ITPRID2: variants seen among roughly 807,000 people sequenced by gnomAD.
ITPRID2 encodes ITPR interacting domain containing 2, also known as protein ITPRID2.
Under a neutral mutation model 124.3 loss-of-function variants are expected in ITPRID2, and 60 were observed. That is an observed-to-expected ratio of 0.48 (90% confidence interval 0.39 to 0.60). The LOEUF (loss-of-function observed/expected upper bound fraction) is 0.60. ITPRID2 is among the 20% of genes least tolerant of loss of function. The probability of loss-of-function intolerance (pLI) is 0.00; values close to 1 mark genes in which losing one functional copy is unlikely to be tolerated. For synonymous variants in ITPRID2, 521 were observed against 542.9 expected (o/e 0.96, Z 0.56); for missense variants, 1,553 against 1,512.2 (o/e 1.03, Z -0.45).
chr2:181,912,292 T>G (rs1299421072), intron 9 of ITPRID2, among the ~76,000 whole-genome samples: 1 of 152,224 alleles, frequency 6.6e-6, no homozygotes, highest in Non-Finnish European at 1.5e-5. Context: ...AATACGTAAT[T>G]ATAGTGATAA....
intron 16 of ITPRID2, among the ~76,000 whole-genome samples, chr2:181,924,950 T>C (rs960524837): frequency 6.6e-6 from 1 of 152,212 alleles, no homozygotes; most frequent in Non-Finnish European, 1.5e-5. Flanking sequence ...TGTGTGTAAA[T>C]AAAAAGATTA....
intron 16 of ITPRID2, 96 bp from the exon 17 acceptor site, chr2:181,928,065 A>T: frequency 3.9e-6 from 3 of 773,074 alleles, no homozygotes; most frequent in Non-Finnish European, 6.2e-6. Context: ...AGGTGAAATT[A>T]AGAAATTGAA....
At chr2:181,918,296 T>C in intron 11 of ITPRID2, 2 of 1,127,540 alleles carry the variant, frequency 1.8e-6, no homozygotes, top group South Asian at 6.8e-5. Flanking sequence ...TTCTACATTT[T>C]TGCGTTTTGA....
chr2:181,910,035 G>A lies in ITPRID2; in HGVS notation c.1486+64G>A. ...CAAATATTAGTTGATTTGGAAAAGG[G>A]GTTTTATGTATCAGTATTTGTAGTA... On this transcript the variant is annotated intron_variant, in intron 9 of 17. Transcript: ENST00000431877. This position sits in a 1 kb window ranked among gnomAD's most constrained non-coding sequence, Gnocchi z 4.1. The A allele has an allele frequency of 4.7e-6, 6 of 1,264,330 alleles. 1 individual carries two copies. In the South Asian group the frequency reaches 7.5e-5, roughly 16 times the overall value. The allele number at this position is 1,264,330 out of a possible 1,614,324, so 78.3% of individuals were successfully genotyped here. A position where few individuals can be genotyped will look rare whatever the true frequency, so the allele number is the denominator to read the frequency against.
chr2:181,909,779 T>C (rs1483312471), intron 8 of ITPRID2, 120 bp from the exon 9 acceptor site: 15 of 576,004 alleles, frequency 2.6e-5, no homozygotes, highest in Middle Eastern at 3.9e-4. Context: ...AGTTTGAATA[T>C]ATATATAATG....
intron 17 of ITPRID2, among the ~76,000 whole-genome samples, chr2:181,928,708 C>G (rs1695047264): frequency 6.6e-6 from 1 of 151,702 alleles, no homozygotes; most frequent in Non-Finnish European, 1.5e-5. Flanking sequence ...TCACTGCAAG[C>G]TCCGCCTCCC....
intron 13 of ITPRID2, 25 bp downstream of exon 13, chr2:181,918,907 C>A: frequency 6.2e-7 from 1 of 1,604,184 alleles, no homozygotes. Flanking sequence ...TGTCTTAGCA[C>A]ACCTCAAAAA....
intron 6 of ITPRID2, 150 bp downstream of exon 6, chr2:181,899,262 T>TTTTTG (rs59537384): frequency 5.3e-4 from 324 of 609,102 alleles, no homozygotes; most frequent in African/African-American, 3.3e-3. Context: ...TGATAGGAGC[T>TTTTTG]TTTTGTTTTG....
At chr2:181,913,581 G>C (rs1422396334) in intron 9 of ITPRID2, among the ~76,000 whole-genome samples, 2 of 152,072 alleles carry the variant, frequency 1.3e-5, no homozygotes, top group African/African-American at 2.4e-5. Flanking sequence ...ATTATAATTA[G>C]AGCTTAATTA....
chr2:181,918,656 C>T lies in ITPRID2; in HGVS notation c.2846C>T (p.Ser949Phe), dbSNP rs1173057488. 1 of 1,614,118 alleles carries T rather than the reference C, an allele frequency of 6.2e-7. No homozygotes were observed. The highest frequency in any genetic ancestry group is 1.1e-5 in the South Asian group (1 of 91,082). Reference sequence around the variant, plus strand: ...GCTCCATATAGTACTCAGAAATCATCTGTTCTACCTCTTTATGAAGTAAGT... The same window carrying T: ...GCTCCATATAGTACTCAGAAATCATTTGTTCTACCTCTTTATGAAGTAAGT... ...AAAPYSTQKS[S>F]VLPLYENTFQ... The change falls in exon 12 of 18, where the codon TCT becomes TTT. Residue 949 changes from serine (S) to phenylalanine (F), a missense_variant. Transcript: ENST00000431877.
chr2:181,909,267 G>C (rs763203911), intron 8 of ITPRID2, among the ~76,000 whole-genome samples: 22 of 152,150 alleles, frequency 1.4e-4, no homozygotes, highest in Non-Finnish European at 2.6e-4. Flanking sequence ...GGACAAAGCA[G>C]TCTTAAACCT....
At chr2:181,894,790 T>G (rs1405191334) in intron 2 of ITPRID2, 1 of 152,058 alleles carries the variant, frequency 6.6e-6, no homozygotes. Flanking sequence ...TTGATAGAAT[T>G]TGGAAGGGAG....
intron 9 of ITPRID2, among the ~76,000 whole-genome samples, chr2:181,911,839 C>G (rs1346206085): frequency 6.6e-6 from 1 of 152,136 alleles, no homozygotes; most frequent in African/African-American, 2.4e-5. Context: ...AGGAGAGAAG[C>G]TATATTGCTT....
chr2:181,899,912 T>G (rs1692525705), intron 6 of ITPRID2, among the ~76,000 whole-genome samples: 1 of 152,240 alleles, frequency 6.6e-6, no homozygotes, highest in Non-Finnish European at 1.5e-5. Context: ...TGCATGTGCC[T>G]ATGGAATCCA....
intron 11 of ITPRID2, chr2:181,917,277 TATC>T (rs1015819874): frequency 2.6e-5 from 4 of 152,440 alleles, no homozygotes; most frequent in African/African-American, 7.2e-5. Context: ...ATAGACCTCT[TATC>T]ATGACATAGT....
intron 6 of ITPRID2, among the ~76,000 whole-genome samples, chr2:181,899,665 G>A (rs1463397593): frequency 2.0e-5 from 3 of 152,120 alleles, no homozygotes; most frequent in African/African-American, 7.2e-5. Flanking sequence ...GGGAAACGGC[G>A]AAACCCTGTC....
Position 181,915,829 on chromosome 2 carries a change from C to T in ITPRID2, c.2189C>T (p.Ala730Val). Residue 730 changes from alanine to valine, a missense_variant, in exon 11 of 18, where the codon GCT (alanine) becomes GTT (valine). Coordinates refer to ENST00000431877, the MANE Select transcript of ITPRID2 (RefSeq NM_001130445.3). ...AAACAAAGGTACTTATTTGCAAAAG[C>T]TGGCTATCCTCTAAGAAGGTCTCAG... ...LLKQRYLFAKAGYPLRRSQSL... is the reference protein window; with the variant it reads ...LLKQRYLFAKVGYPLRRSQSL... The T allele has an allele frequency of 6.2e-7, 1 of 1,614,216 alleles. No homozygotes were observed. The highest frequency in any genetic ancestry group is 2.2e-5 in the East Asian group (1 of 44,874).
chr2:181,913,420 C>G (rs980822935), intron 9 of ITPRID2, among the ~76,000 whole-genome samples: 4 of 152,238 alleles, frequency 2.6e-5, no homozygotes, highest in Admixed American at 1.3e-4. Context: ...ACACTATGCT[C>G]TCTATATGAA....
chr2:181,894,461 G>A (rs535554012), intron 2 of ITPRID2: 1 of 152,290 alleles, frequency 6.6e-6, no homozygotes, highest in South Asian at 2.1e-4. Flanking sequence ...GCTAGAACAA[G>A]TAGTCTTTTA....
Sources: allele counts gnomAD v4.1 joint callset (sites outside exome capture counted in the v4.1 genomes callset), GRCh38; gene constraint gnomAD v4.1.1; non-coding constraint Gnocchi (gnomAD v3.1); transcripts MANE v1.5; gene names NCBI Gene and HGNC (gene_info 2026-07-23, HGNC 2026-07-21).